ZMAT4: variants seen among roughly 807,000 people sequenced by gnomAD.
The protein encoded by ZMAT4 is zinc finger matrin-type 4.
A neutral mutation model predicts 28.7 loss-of-function variants in ZMAT4; 17 were observed. The ratio of observed to expected loss-of-function variants is 0.59; its 90% CI spans 0.41 to 0.89. The LOEUF (loss-of-function observed/expected upper bound fraction) is 0.89, where lower values mean the gene tolerates loss of function less well. Among genes scored for constraint, ZMAT4 ranks in the 40% least tolerant of loss-of-function variants. The pLI is 0.00. For missense variants in ZMAT4, 240 were observed against 283.8 expected, an observed-to-expected ratio of 0.85 and a Z score of 1.11; for synonymous variants, 117 against 109.2, an observed-to-expected ratio of 1.07 and a Z score of -0.44.
At chr8:40,622,682 A>C (rs1159904909) in intron 5 of ZMAT4, among the ~76,000 whole-genome samples, 1 of 152,226 alleles carries the variant, frequency 6.6e-6, no homozygotes, top group Non-Finnish European at 1.5e-5. Context: ...GTGAGGCCTC[A>C]GGAAGCTTCC....
intron 1 of ZMAT4, among the ~76,000 whole-genome samples, chr8:40,882,700 C>T (rs761887995): frequency 5.0e-4 from 76 of 152,326 alleles, no homozygotes; most frequent in Middle Eastern, 3.4e-3. Context: ...GGCACCTGCA[C>T]TCCATCTAAT....
rs186975312 is a variant in ZMAT4 at position 40,627,777 on chromosome 8, A to C, written c.578-46516T>G. 1.7e-3 allele frequency among the ~76,000 whole-genome samples: 252 copies of C among 152,324 alleles called. 3 individuals carry two copies. Among genetic ancestry groups the C allele is most frequent in the Non-Finnish European group, 2.6e-4 (18 of 68,028 alleles). On this transcript the variant is annotated intron_variant, in intron 5 of 6. Transcript: ENST00000297737. ...CAATGAACATTCCCTATGTTCAACA[A>C]ATAGGTATATTAATAAGGCTTTCCA...
intron 5 of ZMAT4, 110 bp from the exon 6 acceptor site, chr8:40,581,371 C>T: frequency 1.2e-6 from 1 of 821,578 alleles, no homozygotes; most frequent in Non-Finnish European, 2.0e-6. Context: ...AACTCCTGAT[C>T]TACCCCACCA....
At chr8:40,819,118 A>T (rs540027256) in intron 2 of ZMAT4, among the ~76,000 whole-genome samples, 1 of 152,164 alleles carries the variant, frequency 6.6e-6, no homozygotes, top group Non-Finnish European at 1.5e-5. Flanking sequence ...TCAGAACAGC[A>T]GAAACAGAAA....
intron 6 of ZMAT4, among the ~76,000 whole-genome samples, chr8:40,565,325 T>C (rs1803881525): frequency 6.6e-6 from 1 of 151,646 alleles, no homozygotes; most frequent in African/African-American, 2.4e-5. Context: ...AAGTCAAAGC[T>C]TCTATATCAA....
chr8:40,590,060 C>T (rs1804838211), intron 5 of ZMAT4, among the ~76,000 whole-genome samples: 2 of 142,566 alleles, frequency 1.4e-5, no homozygotes, highest in Admixed American at 7.6e-5. Context: ...TTGCTCTGCA[C>T]CCAGGATAGA....
chr8:40,538,083 T>C (rs920104898), intron 6 of ZMAT4, among the ~76,000 whole-genome samples: 2 of 152,170 alleles, frequency 1.3e-5, no homozygotes, highest in South Asian at 2.1e-4. Context: ...TGATGGGAAA[T>C]AGGAGTCGGA....
intron 2 of ZMAT4, among the ~76,000 whole-genome samples, chr8:40,792,479 G>GGAAGGAAGGAAGGAAA (rs1264425962): frequency 0.064 from 327 of 5,080 alleles, 20 homozygotes; most frequent in Non-Finnish European, 0.1. Flanking sequence ...TATTCAGGAA[G>GGAAGGAAGGAAGGAAA]GAAGGAAGGA....
chr8:40,789,476 A>T (rs1480847828), intron 2 of ZMAT4, among the ~76,000 whole-genome samples: 1 of 152,232 alleles, frequency 6.6e-6, no homozygotes, highest in Non-Finnish European at 1.5e-5. Context: ...CAGACCATAT[A>T]TAAAAACAAA....
chr8:40,773,206 T>G (rs945230851), intron 2 of ZMAT4, among the ~76,000 whole-genome samples: 1 of 152,190 alleles, frequency 6.6e-6, no homozygotes, highest in Non-Finnish European at 1.5e-5. Context: ...CTAGAATGAA[T>G]GATGGGTCAA....
At chr8:40,839,765 C>A in intron 1 of ZMAT4, among the ~76,000 whole-genome samples, 1 of 152,150 alleles carries the variant, frequency 6.6e-6, no homozygotes, top group Non-Finnish European at 1.5e-5. Context: ...AAATGTATAA[C>A]ACATGGACAT....
At chr8:40,764,550 T>G (rs1353593568) in intron 3 of ZMAT4, among the ~76,000 whole-genome samples, 1 of 142,682 alleles carries the variant, frequency 7.0e-6, no homozygotes, top group Non-Finnish European at 1.5e-5. Flanking sequence ...TTTCTCTGTT[T>G]ACAAAGCCAT....
chr8:40,597,325 T>C (rs1805139996), intron 5 of ZMAT4, among the ~76,000 whole-genome samples: 1 of 152,176 alleles, frequency 6.6e-6, no homozygotes, highest in Admixed American at 6.5e-5. Context: ...ACTCTAACTC[T>C]TGTGTTGACA....
Position 40,796,198 on chromosome 8 carries a change from C to G in ZMAT4, c.103-28468G>C, listed in dbSNP as rs139867215. 2.3e-3 allele frequency among the ~76,000 whole-genome samples: 355 copies of G among 152,292 alleles called. 2 individuals carry two copies. Among genetic ancestry groups the G allele is most frequent in the Non-Finnish European group, 2.6e-3 (177 of 68,016 alleles). On this transcript the variant is annotated intron_variant, in intron 2 of 6. Transcript: ENST00000297737. Reference sequence around the variant, plus strand: ...ACAGATACCCAGTGTGCATCCACAGCGCCCATGCACCTAACAGCAGGCTCC... The same window carrying G: ...ACAGATACCCAGTGTGCATCCACAGGGCCCATGCACCTAACAGCAGGCTCC...
chr8:40,534,136 G>A (rs940018490), intron 6 of ZMAT4, among the ~76,000 whole-genome samples: 1 of 151,970 alleles, frequency 6.6e-6, no homozygotes, highest in Non-Finnish European at 1.5e-5. Flanking sequence ...ATCCCATAAT[G>A]AGGAAAAATA....
chr8:40,555,035 A>G (rs1190516594), intron 6 of ZMAT4, among the ~76,000 whole-genome samples: 3 of 152,142 alleles, frequency 2.0e-5, no homozygotes, highest in Non-Finnish European at 2.9e-5. Flanking sequence ...CCATGAGATT[A>G]ACTTTTATAC....
chr8:40,843,374 C>G (rs557288440), intron 1 of ZMAT4, among the ~76,000 whole-genome samples: 2 of 152,290 alleles, frequency 1.3e-5, no homozygotes, highest in East Asian at 3.9e-4. Flanking sequence ...AGAGACCCAG[C>G]AGGAGCTCAT....
intron 1 of ZMAT4, among the ~76,000 whole-genome samples, chr8:40,895,024 G>T (rs1351077661): frequency 6.6e-6 from 1 of 152,208 alleles, no homozygotes; most frequent in Admixed American, 6.5e-5. Flanking sequence ...TGTTTATGAT[G>T]AAAAGGGATA....
In ZMAT4 at chr8:40,756,624, A is replaced by AGTGT. The variant is rs58686349; in HGVS notation, c.192+11013_192+11016dup. On this transcript the variant is annotated intron_variant, in intron 3 of 6. Transcript: ENST00000297737. ...GCATCTGTTCGGGTTTATGTTTGTA[A>AGTGT]GTGTGTGTGTGTGTGTGTGTGTGTG... Among the ~76,000 whole-genome samples the AGTGT allele has an allele frequency of 1.9e-3, 260 of 139,544 alleles. 1 individual carries two copies. Among genetic ancestry groups the AGTGT allele is most frequent in the East Asian group, 0.014 (61 of 4,496 alleles). 91.5% of individuals were successfully genotyped at this position (139,544 alleles called of 152,430 possible). A position where few individuals can be genotyped will look rare whatever the true frequency, so the allele number is the denominator to read the frequency against.
Sources: gnomAD v4.1 joint callset for allele counts (sites outside exome capture counted in the v4.1 genomes callset) on GRCh38, gnomAD v4.1.1 for gene constraint, MANE v1.5 for transcripts, NCBI Gene and HGNC (gene_info 2026-07-23, HGNC 2026-07-21) for gene names.